Variants in NXPE2 observed in about 807,000 individuals in gnomAD.
NXPE2 encodes the protein neurexophilin and PC-esterase domain family member 2.
Under a neutral mutation model 34.4 loss-of-function variants are expected in NXPE2, and 34 were observed. That is an observed-to-expected ratio of 0.99 (90% CI 0.75 to 1.31). The LOEUF is 1.31. NXPE2 is among the 40% of genes most tolerant of loss of function. The pLI is 0.00. For missense variants in NXPE2, 649 were observed against 672.5 expected, an observed-to-expected ratio of 0.97 and a Z score of 0.39; for synonymous variants, 235 against 231.3, an observed-to-expected ratio of 1.02 and a Z score of -0.15.
At chr11:114,486,635 T>C in the NXPE2 span, among the ~76,000 whole-genome samples, 1 of 152,188 alleles carries the variant, frequency 6.6e-6, no homozygotes, top group African/African-American at 2.4e-5. Context: ...TTTGAGGTCT[T>C]AGATTTAAAT....
chr11:114,530,381 A>G, the NXPE2 span: 1 of 1,614,198 alleles, frequency 6.2e-7, no homozygotes, highest in South Asian at 1.1e-5. Context: ...TGCCATTAAC[A>G]AATTTGCCTT....
At chr11:114,514,705 A>G in the NXPE2 span, among the ~76,000 whole-genome samples, 1 of 152,292 alleles carries the variant, frequency 6.6e-6, no homozygotes, top group Admixed American at 6.5e-5. Flanking sequence ...TTCTTTACAT[A>G]ACACACAAAT....
chr11:114,805,314 T>A, the NXPE2 span, among the ~76,000 whole-genome samples: 1 of 151,936 alleles, frequency 6.6e-6, no homozygotes, highest in Non-Finnish European at 1.5e-5. Context: ...TGGGTTCATC[T>A]CACTGGGGAG....
At chr11:114,567,453 T>C in the NXPE2 span, among the ~76,000 whole-genome samples, 1 of 152,064 alleles carries the variant, frequency 6.6e-6, no homozygotes, top group Non-Finnish European at 1.5e-5. Context: ...AAATGAACTA[T>C]ACATTTCCCA....
At chr11:114,623,794 A>C in the NXPE2 span, among the ~76,000 whole-genome samples, 5 of 150,046 alleles carry the variant, frequency 3.3e-5, no homozygotes, top group African/African-American at 1.2e-4. Flanking sequence ...CTCTTACCCT[A>C]TGGATAACAA....
the NXPE2 span, among the ~76,000 whole-genome samples, chr11:114,801,894 C>G: frequency 6.6e-6 from 1 of 152,102 alleles, no homozygotes; most frequent in East Asian, 1.9e-4. Flanking sequence ...TTGGACAAGT[C>G]AGATCAAAAT....
chr11:114,654,358 T>C, the NXPE2 span, among the ~76,000 whole-genome samples: 2 of 151,932 alleles, frequency 1.3e-5, no homozygotes, highest in Non-Finnish European at 2.9e-5. Context: ...TTTTTATTTC[T>C]TCTAAAAAAA....
the NXPE2 span, among the ~76,000 whole-genome samples, chr11:114,472,115 CTAGCA>C: frequency 5.3e-5 from 8 of 152,218 alleles, no homozygotes; most frequent in African/African-American, 4.8e-5. Context: ...ATGGCTACCT[CTAGCA>C]TATACAGAGT....
At chr11:114,510,706 G>C in the NXPE2 span, among the ~76,000 whole-genome samples, 1 of 152,198 alleles carries the variant, frequency 6.6e-6, no homozygotes, top group East Asian at 1.9e-4. Flanking sequence ...CTGCAGGCAT[G>C]AAGAGAGACT....
the NXPE2 span, among the ~76,000 whole-genome samples, chr11:114,809,972 G>T: frequency 8.6e-5 from 13 of 151,344 alleles, no homozygotes; most frequent in East Asian, 2.5e-3. Context: ...AAAACAGCAC[G>T]GTACTAGTAC....
the NXPE2 span, among the ~76,000 whole-genome samples, chr11:114,601,857 A>C: frequency 4.7e-5 from 1 of 21,314 alleles, no homozygotes; most frequent in African/African-American, 2.3e-4. Context: ...AAAATATATA[A>C]TATACAATTA....
At chr11:114,660,337 T>A in the NXPE2 span, among the ~76,000 whole-genome samples, 3 of 152,096 alleles carry the variant, frequency 2.0e-5, no homozygotes, top group African/African-American at 7.2e-5. Context: ...AAAACTAGAA[T>A]TAACATAGAG....
chr11:114,521,467 G>C, the NXPE2 span, among the ~76,000 whole-genome samples: 1 of 152,164 alleles, frequency 6.6e-6, no homozygotes, highest in Non-Finnish European at 1.5e-5. Context: ...GGCATAACAA[G>C]ATGTCCAGGC....
the NXPE2 span, among the ~76,000 whole-genome samples, chr11:114,483,184 T>A: frequency 1.3e-5 from 2 of 152,216 alleles, no homozygotes; most frequent in Non-Finnish European, 2.9e-5. Context: ...ACTTAAATTG[T>A]TTAAGAAATA....
chr11:114,759,964 C>T, the NXPE2 span, among the ~76,000 whole-genome samples: 1 of 152,114 alleles, frequency 6.6e-6, no homozygotes, highest in Admixed American at 6.6e-5. Flanking sequence ...GGGGTCTATG[C>T]TTAACACAAC....
the NXPE2 span, among the ~76,000 whole-genome samples, chr11:114,579,524 T>C: frequency 2.0e-5 from 3 of 152,248 alleles, no homozygotes; most frequent in Non-Finnish European, 4.4e-5. Flanking sequence ...TGTGTCTACC[T>C]GATGCAAAGT....
the NXPE2 span, among the ~76,000 whole-genome samples, chr11:114,742,995 G>T: frequency 3.3e-5 from 5 of 150,796 alleles, no homozygotes; most frequent in Non-Finnish European, 5.9e-5. Context: ...TTTATTTGGG[G>T]CTGTTAAGAC....
the NXPE2 span, among the ~76,000 whole-genome samples, chr11:114,591,373 ATTAACAGG>A: frequency 2.6e-5 from 4 of 152,238 alleles, no homozygotes; most frequent in African/African-American, 9.6e-5. Flanking sequence ...CCACCAGGAA[ATTAACAGG>A]TTATTATCCT....
At chr11:114,543,119 G>T in the NXPE2 span, among the ~76,000 whole-genome samples, 2 of 152,214 alleles carry the variant, frequency 1.3e-5, no homozygotes, top group African/African-American at 2.4e-5. Context: ...ACTTTGGGAG[G>T]CTGAGGCAGG....
Sources: allele counts gnomAD v4.1 joint callset (sites outside exome capture counted in the v4.1 genomes callset), GRCh38; gene constraint gnomAD v4.1.1; transcripts MANE v1.5; gene names NCBI Gene and HGNC (gene_info 2026-07-23, HGNC 2026-07-21).